Variants in ZNF569 observed in about 807,000 individuals in gnomAD.
The protein encoded by ZNF569 is DNA-binding protein.
A neutral mutation model predicts 56.3 loss-of-function variants in ZNF569; 38 were observed. The observed-to-expected ratio is 0.68, with a 90% CI of 0.52 to 0.88. The LOEUF is 0.88. Ranked by LOEUF, ZNF569 falls within the 40% of genes least tolerant of loss-of-function variation. The probability of loss-of-function intolerance (pLI) is 0.00; values close to 1 mark genes in which losing one functional copy is unlikely to be tolerated. For synonymous variants in ZNF569, 241 were observed against 262.9 expected, an observed-to-expected ratio of 0.92 and a Z score of 0.81; for missense variants, 666 against 809.2, an observed-to-expected ratio of 0.82 and a Z score of 2.15.
chr19:37,466,794 G>C (rs1049219840), intron 1 of ZNF569: 1 of 152,258 alleles, frequency 6.6e-6, no homozygotes, highest in African/African-American at 2.4e-5. Context: ...ACGTTTGCAC[G>C]CAGGTTCATA....
rs1397289393 is a variant in ZNF569 at position 37,412,601 on chromosome 19, T to A, written c.2057A>T (p.His686Leu). The A allele has an allele frequency of 1.3e-6, 2 of 1,588,454 alleles. No individual in the cohort carries two copies. The highest frequency in any genetic ancestry group is 3.7e-5 in the Admixed American group (2 of 54,748). Residue 686 changes from histidine to leucine, a missense_variant, in exon 6 of 6, where the codon CAT becomes CTT. His to Leu is a moderately conservative substitution (Grantham distance 99). Coordinates refer to ENST00000316950, the MANE Select transcript of ZNF569 (RefSeq NM_152484.3). ...TTCACAATATTCATAGGGTTTCTAA[T>A]GAGTATGAATTCTCTGGTGTCTAAC... ...HLVRHQRIHTH is the reference protein window; with the variant it reads ...HLVRHQRIHTL
chr19:37,433,815 G>A (rs1249072866), intron 3 of ZNF569, among the ~76,000 whole-genome samples: 1 of 152,146 alleles, frequency 6.6e-6, no homozygotes, highest in Non-Finnish European at 1.5e-5. Context: ...ACAGCTGAGA[G>A]ATTTCATCAA....
rs187779058 is a variant in ZNF569 at position 37,464,777 on chromosome 19, T to A, written c.-44+536A>T. Among the ~76,000 whole-genome samples the A allele has an allele frequency of 1.6e-4, 24 of 152,300 alleles. No homozygotes were observed. The East Asian group carries it at 4.2e-3, about 27-fold the overall frequency. On this transcript the variant is annotated intron_variant, in intron 2 of 5. Transcript: ENST00000316950. The stretch of plus-strand genomic sequence containing the variant: ...AAGCAACACAATTGTAGCTTCCTAA[T>A]TGGTCTCTGTGCTTCTTCCCTTGAC...
chr19:37,458,933 A>C (rs551672538), intron 2 of ZNF569, among the ~76,000 whole-genome samples: 2 of 152,320 alleles, frequency 1.3e-5, no homozygotes, highest in East Asian at 3.9e-4. Flanking sequence ...TAGAGGAAAC[A>C]ATCAGTGAAC....
chr19:37,445,396 G>A (rs2041476245), intron 2 of ZNF569, among the ~76,000 whole-genome samples: 1 of 152,182 alleles, frequency 6.6e-6, no homozygotes. Flanking sequence ...TGAGTAATGT[G>A]TATCGGAGGT....
chr19:37,445,979 G>C (rs1433627066), intron 2 of ZNF569, among the ~76,000 whole-genome samples: 1 of 151,272 alleles, frequency 6.6e-6, no homozygotes, highest in Non-Finnish European at 1.5e-5. Flanking sequence ...CCAAAAAAGA[G>C]CCCACATAGC....
rs1156518947 is a variant in ZNF569, at chr19:37,425,882, CTT to C, written c.222_223del (p.Arg75GlufsTer11). ...CTTCCACTAACCTTGCCAGTGTCTC[CTT>C]AATACTTCTTCCTCCATCACCCATG... On this transcript the variant is annotated frameshift_variant, in exon 5 of 6. Coordinates refer to ENST00000316950, the MANE Select transcript of ZNF569 (RefSeq NM_152484.3). LOFTEE classifies it high-confidence loss of function. The C allele has an allele frequency of 6.2e-7, 1 of 1,613,816 alleles. No individual in the cohort carries two copies. The highest frequency in any genetic ancestry group is 8.5e-7 in the Non-Finnish European group (1 of 1,179,746).
chr19:37,426,334 C>T lies in ZNF569; in HGVS notation c.60G>A (p.Glu20=), dbSNP rs767356761. The part of the protein sequence containing the change: ...FKDVAIDFTQ[E]EWKRLDPAQR... The stretch of plus-strand genomic sequence containing the variant: ...GAGCAGGATCCAATCTCTTCCACTC[C>T]TCCTGAGTGAAGTCGATAGCCACAT... Residue 20 remains glutamate (E), a synonymous_variant, in exon 4 of 6, where the codon GAG becomes GAA. Coordinates refer to ENST00000316950, the MANE Select transcript of ZNF569 (RefSeq NM_152484.3). The T allele has an allele frequency of 1.3e-5, 21 of 1,613,244 alleles. No individual in the cohort carries two copies. Among genetic ancestry groups the T allele is most frequent in the Non-Finnish European group, 1.8e-5 (21 of 1,179,682 alleles).
intron 2 of ZNF569, among the ~76,000 whole-genome samples, chr19:37,462,387 A>G (rs1231198926): frequency 6.6e-6 from 1 of 151,690 alleles, no homozygotes; most frequent in Non-Finnish European, 1.5e-5. Flanking sequence ...TCTTAACTCC[A>G]GCTACCATTC....
upstream of ZNF569, chr19:37,469,227 G>A: frequency 7.4e-7 from 1 of 1,353,246 alleles, no homozygotes; most frequent in Non-Finnish European, 9.5e-7. Context: ...CCTGCGCGGA[G>A]CTGCACCGCT....
chr19:37,426,155 T>C, intron 4 of ZNF569, 97 bp downstream of exon 4: 1 of 1,437,140 alleles, frequency 7.0e-7, no homozygotes, highest in Non-Finnish European at 9.4e-7. Flanking sequence ...CCAAGCTCAC[T>C]CTAATATTTA....
At chr19:37,425,801 A>G (rs890609373) in intron 5 of ZNF569, 67 bp downstream of exon 5, 40 of 1,245,614 alleles carry the variant, frequency 3.2e-5, no homozygotes, top group Non-Finnish European at 4.1e-5. Context: ...AGAGGGATCA[A>G]CCATTCACTG....
At chr19:37,443,402 G>A (rs2041440990) in intron 3 of ZNF569, among the ~76,000 whole-genome samples, 1 of 152,138 alleles carries the variant, frequency 6.6e-6, no homozygotes, top group African/African-American at 2.4e-5. Context: ...GAAGAGCAAA[G>A]CTTTGAGCTG....
intron 2 of ZNF569, among the ~76,000 whole-genome samples, chr19:37,449,571 C>A (rs1047431035): frequency 2.0e-5 from 3 of 151,802 alleles, no homozygotes; most frequent in Non-Finnish European, 4.4e-5. Context: ...TCTTACTAAC[C>A]CCTTGAGCAT....
At chr19:37,423,114 CT>C (rs934217006) in intron 5 of ZNF569, among the ~76,000 whole-genome samples, 1 of 152,148 alleles carries the variant, frequency 6.6e-6, no homozygotes, top group Non-Finnish European at 1.5e-5. Context: ...ATGGAAGTTA[CT>C]TTGTCAACTC....
At chr19:37,462,962 C>T (rs555400885) in intron 2 of ZNF569, among the ~76,000 whole-genome samples, 2 of 152,196 alleles carry the variant, frequency 1.3e-5, no homozygotes, top group African/African-American at 2.4e-5. Flanking sequence ...GGCATTCTCA[C>T]ATTTCACATA....
At chr19:37,444,515 G>A (rs1267285804) in intron 3 of ZNF569, among the ~76,000 whole-genome samples, 1 of 151,992 alleles carries the variant, frequency 6.6e-6, no homozygotes, top group Non-Finnish European at 1.5e-5. Flanking sequence ...ATCCTTGATC[G>A]AAAGAGAACA....
rs201479981 is a variant in ZNF569, at chr19:37,414,142, T to C, written c.516A>G (p.Lys172=). ...KEHCEYNEPV[K]SYGNSSSHFV... is the part of the protein sequence containing the mutation. ...AATGGGATGAGCTATTACCATATGA[T>C]TTCACAGGTTCATTATATTCACAAT... The change falls in exon 6 of 6, where the codon AAA becomes AAG. Residue 172 remains lysine, a synonymous_variant. Transcript: ENST00000316950. The C allele has an allele frequency of 1.9e-6, 3 of 1,613,676 alleles. No individual in the cohort carries two copies. The African/African-American group carries it at 4.0e-5, about 22-fold the overall frequency.
At position 37,413,820 on chromosome 19, in the gene ZNF569, T is replaced by G; in HGVS notation, c.838A>C (p.Ser280Arg). 1 of 1,613,692 alleles carries G rather than the reference T, an allele frequency of 6.2e-7. No homozygotes were observed. ...TGATCAATAAGATTTGATTTCTGGC[T>G]GAAGGACTTCTCACATTCCTTACAT... The part of the protein sequence containing the change: ...YACKECEKSF[S>R]QKSNLIDHEK... The change falls in exon 6 of 6, where the codon AGC (serine) becomes CGC (arginine). Residue 280 changes from serine to arginine, a missense_variant. Physicochemically the swap from Ser to Arg is moderately radical, Grantham distance 110 (BLOSUM62 -1). Coordinates refer to ENST00000316950, the MANE Select transcript of ZNF569 (RefSeq NM_152484.3).
Sources: gnomAD v4.1 joint callset for allele counts (sites outside exome capture counted in the v4.1 genomes callset) on GRCh38, gnomAD v4.1.1 for gene constraint, MANE v1.5 for transcripts, NCBI Gene and HGNC (gene_info 2026-07-23, HGNC 2026-07-21) for gene names.